CWF19L2: variants seen among roughly 807,000 people sequenced by gnomAD.
The protein encoded by CWF19L2 is CWF19 like cell cycle control factor 2.
Under a neutral mutation model 111.7 loss-of-function variants are expected in CWF19L2, and 98 were observed. The ratio of observed to expected loss-of-function variants is 0.88; its 90% CI spans 0.75 to 1.04. The LOEUF is 1.04. CWF19L2 is among the 50% of genes least tolerant of loss of function. The pLI is 0.00. For missense variants in CWF19L2, 1,101 were observed against 1,051.4 expected (o/e 1.05, Z -0.65); for synonymous variants, 351 against 342.9 (o/e 1.02, Z -0.26).
chr11:107,347,297 T>C (rs1219196618), intron 14 of CWF19L2, among the ~76,000 whole-genome samples: 1 of 152,210 alleles, frequency 6.6e-6, no homozygotes, highest in African/African-American at 2.4e-5. Flanking sequence ...GGCTCCTGCA[T>C]TGCAACATTT....
At chr11:107,327,128 A>C (rs972342316) in intron 17 of CWF19L2, 75 bp from the exon 18 acceptor site, 14 of 1,332,880 alleles carry the variant, frequency 1.1e-5, no homozygotes, top group Non-Finnish European at 1.4e-5. Flanking sequence ...ATTTCTGTTT[A>C]TTCTGCTATA....
Position 107,436,719 on chromosome 11 carries a change from A to G in CWF19L2, c.664+2371T>C, listed in dbSNP as rs75448479. ...GAGTCTGTAAGCAAGAATTCCTACTAACTACATGGTAATAAAAATAGTCTT... is the reference window on the plus strand; with the variant it reads ...GAGTCTGTAAGCAAGAATTCCTACTGACTACATGGTAATAAAAATAGTCTT... On this transcript the variant is annotated intron_variant, in intron 6 of 17. Coordinates refer to ENST00000282251, the MANE Select transcript of CWF19L2 (RefSeq NM_152434.3). Among the ~76,000 whole-genome samples, 65 of 152,302 alleles carry G rather than the reference A, an allele frequency of 4.3e-4. 2 individuals are homozygous for G. In the East Asian group the frequency reaches 0.012, roughly 29 times the overall value.
intron 17 of CWF19L2, among the ~76,000 whole-genome samples, chr11:107,328,690 AT>A (rs1450585727): frequency 6.6e-6 from 1 of 152,054 alleles, no homozygotes; most frequent in African/African-American, 2.4e-5. Flanking sequence ...AAAAATGGAT[AT>A]TTTACTTCCT....
chr11:107,333,543 G>A (rs547018945), intron 16 of CWF19L2, among the ~76,000 whole-genome samples: 25 of 152,232 alleles, frequency 1.6e-4, no homozygotes, highest in East Asian at 7.7e-4. Context: ...AAAGATGTAC[G>A]TACATTAAAT....
chr11:107,450,722 G>A (rs1443240655), intron 3 of CWF19L2, among the ~76,000 whole-genome samples: 2 of 152,022 alleles, frequency 1.3e-5, no homozygotes, highest in Non-Finnish European at 2.9e-5. Context: ...GAAAACTGAA[G>A]AGGCTTTATT....
intron 12 of CWF19L2, among the ~76,000 whole-genome samples, chr11:107,382,704 T>C (rs950978503): frequency 6.6e-6 from 1 of 152,216 alleles, no homozygotes; most frequent in African/African-American, 2.4e-5. Context: ...CAGTTCCTGA[T>C]TCATAACTCC....
intron 12 of CWF19L2, among the ~76,000 whole-genome samples, chr11:107,383,168 T>G (rs959539353): frequency 4.1e-4 from 62 of 152,140 alleles, no homozygotes; most frequent in African/African-American, 1.4e-3. Flanking sequence ...GTACCCGAAG[T>G]GGGGGGGTCA....
chr11:107,382,085 G>A (rs541319903), intron 12 of CWF19L2, among the ~76,000 whole-genome samples: 46 of 152,224 alleles, frequency 3.0e-4, no homozygotes, highest in African/African-American at 1.1e-3. Context: ...TAGATCTCTT[G>A]AAGATGTGCC....
intron 10 of CWF19L2, among the ~76,000 whole-genome samples, chr11:107,410,294 A>C (rs1861138580): frequency 6.6e-6 from 1 of 152,038 alleles, no homozygotes; most frequent in South Asian, 2.1e-4. Context: ...AAAAAAAACC[A>C]CTTTGAAAGG....
chr11:107,361,970 C>T (rs1441835665), intron 12 of CWF19L2, among the ~76,000 whole-genome samples: 1 of 152,320 alleles, frequency 6.6e-6, no homozygotes, highest in East Asian at 1.9e-4. Context: ...GGTGCACGCA[C>T]CGTGCGTGAG....
chr11:107,444,431 G>A (rs1861674326), intron 3 of CWF19L2, among the ~76,000 whole-genome samples: 1 of 152,008 alleles, frequency 6.6e-6, no homozygotes, highest in African/African-American at 2.4e-5. Flanking sequence ...ACACCTCTCA[G>A]CTCTCCTCCC....
At chr11:107,327,160 A>G (rs927837307) in intron 17 of CWF19L2, 107 bp from the exon 18 acceptor site, 14 of 1,129,366 alleles carry the variant, frequency 1.2e-5, no homozygotes, top group Non-Finnish European at 1.7e-5. Flanking sequence ...GTTCTTCTCC[A>G]TGACAATGTT....
intron 7 of CWF19L2, 118 bp downstream of exon 7, chr11:107,433,516 G>T: frequency 2.8e-6 from 1 of 361,080 alleles, no homozygotes; most frequent in Non-Finnish European, 5.1e-6. Context: ...AATTACTTCA[G>T]TAGTATAAAG....
chr11:107,443,345 T>C (rs1861658422), intron 3 of CWF19L2, among the ~76,000 whole-genome samples: 1 of 151,966 alleles, frequency 6.6e-6, no homozygotes, highest in African/African-American at 2.4e-5. Context: ...TAGCCAAGCG[T>C]GGTGGCGCAT....
intron 12 of CWF19L2, among the ~76,000 whole-genome samples, chr11:107,354,381 T>C (rs1345044848): frequency 6.6e-6 from 1 of 152,200 alleles, no homozygotes; most frequent in East Asian, 1.9e-4. Context: ...CTCCTGTGTG[T>C]ATAACCTTGA....
chr11:107,328,617 C>A (rs931103417), intron 17 of CWF19L2, among the ~76,000 whole-genome samples: 1 of 152,132 alleles, frequency 6.6e-6, no homozygotes, highest in Non-Finnish European at 1.5e-5. Flanking sequence ...ATCATATAAA[C>A]CAGAATGCAT....
chr11:107,445,600 G>C (rs112503061), intron 3 of CWF19L2, among the ~76,000 whole-genome samples: 20 of 49,240 alleles, frequency 4.1e-4, no homozygotes, highest in African/African-American at 9.5e-4. Flanking sequence ...GCAAAACTCC[G>C]CCTTAAAAAA....
chr11:107,454,563 C>A lies in CWF19L2; in HGVS notation c.226G>T (p.Val76Leu). ...TTGTCTTTTTTCTTCTTTTTCTTCA[C>A]AGAGTGTTCCTACAATCATTTTGAA... ...RIEQFSQEHS[V>L]KKKKKKDKHS... The change falls in exon 3 of 18, where the codon GTG becomes TTG. Residue 76 changes from valine (V) to leucine (L), a missense_variant. Transcript: ENST00000282251. The A allele has an allele frequency of 7.0e-7, 1 of 1,420,422 alleles. No individual in the cohort carries two copies. Among genetic ancestry groups the A allele is most frequent in the South Asian group, 1.6e-5 (1 of 61,596 alleles). The allele number at this position is 1,420,422 out of a possible 1,614,324, so 88.0% of individuals were successfully genotyped here.
intron 16 of CWF19L2, among the ~76,000 whole-genome samples, chr11:107,334,504 G>C (rs1185250790): frequency 6.6e-6 from 1 of 152,142 alleles, no homozygotes; most frequent in African/African-American, 2.4e-5. Context: ...GAACATCTAG[G>C]AAAATTTTTC....
Sources: allele counts gnomAD v4.1 joint callset (sites outside exome capture counted in the v4.1 genomes callset), GRCh38; gene constraint gnomAD v4.1.1; transcripts MANE v1.5; gene names NCBI Gene and HGNC (gene_info 2026-07-23, HGNC 2026-07-21).